WDR33: variants seen among roughly 807,000 people sequenced by gnomAD.
The protein encoded by WDR33 is pre-mRNA 3' end processing protein WDR33.
WDR33 carries 47 observed loss-of-function variants against 164.9 expected under a neutral mutation model. The observed-to-expected ratio is 0.29, with a 90% CI of 0.23 to 0.36. The LOEUF (loss-of-function observed/expected upper bound fraction) is 0.36, where lower values mean the gene tolerates loss of function less well. Ranked by LOEUF, WDR33 falls within the 10% of genes least tolerant of loss-of-function variation. The pLI is 1.00. For missense variants in WDR33, 1,137 were observed against 1,754.1 expected (o/e 0.65, Z 6.28); for synonymous variants, 505 against 589.0 (o/e 0.86, Z 2.06).
At chr2:127,808,948 T>G (rs1232929048) in intron 1 of WDR33, among the ~76,000 whole-genome samples, 1 of 146,304 alleles carries the variant, frequency 6.8e-6, no homozygotes, top group East Asian at 2.0e-4. Flanking sequence ...GAGAATGGCG[T>G]GAACCCGGGA....
chr2:127,711,901 T>C lies in WDR33; in HGVS notation c.3308+1682A>G, dbSNP rs557691181. ...GATTCTCCTGCCTCAGCCTTCCGAG[T>C]AGCTGGGATTACAGGCACGCACCAC... On this transcript the variant is annotated intron_variant, in intron 18 of 21. Coordinates refer to ENST00000322313, the MANE Select transcript of WDR33 (RefSeq NM_018383.5). Among the ~76,000 whole-genome samples the C allele has an allele frequency of 2.7e-5, 4 of 150,554 alleles. No individual in the cohort carries two copies. The East Asian group carries it at 7.9e-4, about 30-fold the overall frequency.
Position 127,735,956 on chromosome 2 carries a change from G to A in WDR33, c.725-9179C>T, listed in dbSNP as rs910955937. The A allele has an allele frequency of 1.0e-6, 1 of 985,404 alleles. No homozygotes were observed. Among genetic ancestry groups the A allele is most frequent in the Non-Finnish European group, 1.2e-6 (1 of 829,936 alleles). The allele number at this position is 985,404 out of a possible 1,614,324, so 61.0% of individuals were successfully genotyped here. On this transcript the variant is annotated intron_variant, in intron 7 of 21. Transcript: ENST00000322313. This position sits in a 1 kb window ranked among gnomAD's most constrained non-coding sequence, Gnocchi z 4.3. ...TAAATGGAAAGTTAATTCTGGAAAGGGGGTATGCCTAGGCAGGGCAGTGTT... is the reference window on the plus strand; with the variant it reads ...TAAATGGAAAGTTAATTCTGGAAAGAGGGTATGCCTAGGCAGGGCAGTGTT...
At position 127,714,261 on chromosome 2, in the gene WDR33, G is replaced by C. The variant is rs1355037701; in HGVS notation, c.2870-240C>G. ...AGGGCAAATTACTCATCTCAAATGA[G>C]ATCAGCAGCATCTGTCCATCTCTTA... On this transcript the variant is annotated intron_variant, in intron 17 of 21. Coordinates refer to ENST00000322313, the MANE Select transcript of WDR33 (RefSeq NM_018383.5). This position sits in a 1 kb window ranked among gnomAD's most constrained non-coding sequence, Gnocchi z 4.3. Among the ~76,000 whole-genome samples, 1 of 152,216 alleles carries C rather than the reference G, an allele frequency of 6.6e-6. No individual in the cohort carries two copies. The highest frequency in any genetic ancestry group is 1.5e-5 in the Non-Finnish European group (1 of 68,044).
At chr2:127,750,097 C>A (rs1168519417) in intron 7 of WDR33, among the ~76,000 whole-genome samples, 7 of 152,250 alleles carry the variant, frequency 4.6e-5, no homozygotes, top group Non-Finnish European at 1.0e-4. Flanking sequence ...AATCTTGGCT[C>A]ACTGCAGCCT....
chr2:127,764,219 C>G lies in WDR33; in HGVS notation c.626+609G>C, dbSNP rs907206861. Reference sequence around the variant, plus strand: ...TATACATTTGCATAAGTGATGTTATCAACAGTGAATCAGAAGAAAAGTCCT... The same window carrying G: ...TATACATTTGCATAAGTGATGTTATGAACAGTGAATCAGAAGAAAAGTCCT... On this transcript the variant is annotated intron_variant, in intron 6 of 21. Coordinates refer to ENST00000322313, the MANE Select transcript of WDR33 (RefSeq NM_018383.5). This position sits in a 1 kb window ranked among gnomAD's most constrained non-coding sequence, Gnocchi z 6.2. 40 of 1,103,742 alleles carry G rather than the reference C, an allele frequency of 3.6e-5. No individual in the cohort carries two copies. Among genetic ancestry groups the G allele is most frequent in the Non-Finnish European group, 4.2e-5 (38 of 906,884 alleles). The allele number at this position is 1,103,742 out of a possible 1,614,324, so 68.4% of individuals were successfully genotyped here. A position where few individuals can be genotyped will look rare whatever the true frequency, so the allele number is the denominator to read the frequency against.
At chr2:127,756,065 G>T (rs1272619202) in intron 7 of WDR33, among the ~76,000 whole-genome samples, 1 of 152,086 alleles carries the variant, frequency 6.6e-6, no homozygotes, top group Non-Finnish European at 1.5e-5. Flanking sequence ...CAGGCACAGT[G>T]GCTCACACCC....
chr2:127,807,871 G>A (rs908832645), intron 1 of WDR33, among the ~76,000 whole-genome samples: 1 of 152,316 alleles, frequency 6.6e-6, no homozygotes, highest in South Asian at 2.1e-4. Context: ...AGGCTGAAGT[G>A]GGAGGATCGC....
In WDR33 at chr2:127,719,769, A is replaced by C. The variant is rs772109528; in HGVS notation, c.2256T>G (p.Pro752=). The C allele has an allele frequency of 1.9e-6, 3 of 1,613,832 alleles. No individual in the cohort carries two copies. The highest frequency in any genetic ancestry group is 3.3e-5 in the Admixed American group (2 of 60,026). ...GPPGPRGMQG[P]PHPHGIQGGP... ...CGCCTTGGATCCCATGAGGATGAGG[A>C]GGCCCTTGCATTCCTCTGGGACCAG... Residue 752 remains proline (P), a synonymous_variant, in exon 16 of 22, where the codon CCT becomes CCG. Transcript: ENST00000322313. The surrounding 1 kb of genome is among the most constrained non-coding windows in gnomAD (Gnocchi z 6.5).
chr2:127,762,970 G>A, intron 7 of WDR33, 92 bp downstream of exon 7: 1 of 1,578,424 alleles, frequency 6.3e-7, no homozygotes, highest in Non-Finnish European at 8.6e-7. Context: ...AAATTGAATG[G>A]AGGTGTAAGC....
At chr2:127,788,484 ACCTC>A (rs1688698154) in intron 1 of WDR33, among the ~76,000 whole-genome samples, 2 of 77,402 alleles carry the variant, frequency 2.6e-5, no homozygotes, top group African/African-American at 5.8e-5. Flanking sequence ...TGACACCCCC[ACCTC>A]CCTCCCGGAC....
intron 7 of WDR33, among the ~76,000 whole-genome samples, chr2:127,744,153 C>T (rs1175664802): frequency 6.6e-6 from 1 of 152,224 alleles, no homozygotes; most frequent in African/African-American, 2.4e-5. Flanking sequence ...CTTTCTTAAA[C>T]TTCATCGTTG....
Position 127,720,748 on chromosome 2 carries a change from C to T in WDR33, c.1672-395G>A, listed in dbSNP as rs13426522. ...CCCAGCTAATTATTATTTGTAGAGACAGGGTCTTGCTATATTGCCCAGGCT... is the reference window on the plus strand; with the variant it reads ...CCCAGCTAATTATTATTTGTAGAGATAGGGTCTTGCTATATTGCCCAGGCT... On this transcript the variant is annotated intron_variant, in intron 15 of 21. Transcript: ENST00000322313. This position sits in a 1 kb window ranked among gnomAD's most constrained non-coding sequence, Gnocchi z 5.9. 0.022 allele frequency among the ~76,000 whole-genome samples: 3,279 copies of T among 152,214 alleles called. 129 individuals carry two copies. The highest frequency in any genetic ancestry group is 0.076 in the African/African-American group (3,151 of 41,528).
rs1198894850 is a variant in WDR33, at chr2:127,701,797, G to C, written c.*4526C>G. On this transcript the variant is annotated 3_prime_UTR_variant, in exon 22 of 22. Coordinates refer to ENST00000322313, the MANE Select transcript of WDR33 (RefSeq NM_018383.5). The stretch of plus-strand genomic sequence containing the variant: ...GGGTGCCTGCTGCTGGCTGCACTGT[G>C]TTTCGGCCTAGCCGCGCTCTACGCA... 2.1e-6 allele frequency: 3 copies of C among 1,454,434 alleles called. No individual in the cohort carries two copies. In the Admixed American group the frequency reaches 7.4e-5, roughly 36 times the overall value. 90.1% of individuals were successfully genotyped at this position (1,454,434 alleles called of 1,614,324 possible). A position where few individuals can be genotyped will look rare whatever the true frequency, so the allele number is the denominator to read the frequency against.
intron 7 of WDR33, among the ~76,000 whole-genome samples, chr2:127,748,921 T>C (rs1195711866): frequency 6.7e-6 from 1 of 149,766 alleles, no homozygotes; most frequent in Non-Finnish European, 1.5e-5. Context: ...TCACCTTAAC[T>C]ACTGGAATTA....
At position 127,708,082 on chromosome 2, in the gene WDR33, T is replaced by A. The variant is rs6744355; in HGVS notation, c.3781+595A>T. Among the ~76,000 whole-genome samples, 2 of 152,270 alleles carry A rather than the reference T, an allele frequency of 1.3e-5. No homozygotes were observed. Among genetic ancestry groups the A allele is most frequent in the Admixed American group, 1.3e-4 (2 of 15,294 alleles). On this transcript the variant is annotated intron_variant, in intron 21 of 21. Coordinates refer to ENST00000322313, the MANE Select transcript of WDR33 (RefSeq NM_018383.5). This position sits in a 1 kb window ranked among gnomAD's most constrained non-coding sequence, Gnocchi z 6.7. ...AGAAGCTTCCGAGCCACACCACCTATGCACCTCCCCCGCTGCCTTGCAACC... is the reference window on the plus strand; with the variant it reads ...AGAAGCTTCCGAGCCACACCACCTAAGCACCTCCCCCGCTGCCTTGCAACC...
At chr2:127,809,907 T>C (rs149506349) in intron 1 of WDR33, among the ~76,000 whole-genome samples, 215 of 152,210 alleles carry the variant, frequency 1.4e-3, no homozygotes, top group African/African-American at 4.8e-3. Flanking sequence ...AAAGCAAAAG[T>C]ATCTTACAGT....
At chr2:127,736,570 T>A in intron 7 of WDR33, 1 of 985,420 alleles carries the variant, frequency 1.0e-6, no homozygotes, top group Non-Finnish European at 1.2e-6. Flanking sequence ...CCTATGTAGG[T>A]AAAATGGTTT....
chr2:127,755,753 T>C (rs1182726899), intron 7 of WDR33, among the ~76,000 whole-genome samples: 1 of 152,228 alleles, frequency 6.6e-6, no homozygotes, highest in Non-Finnish European at 1.5e-5. Context: ...ATCTAATCTT[T>C]GATGACTCAT....
At chr2:127,778,352 G>A (rs1573446580) in intron 1 of WDR33, among the ~76,000 whole-genome samples, 2 of 151,160 alleles carry the variant, frequency 1.3e-5, no homozygotes, top group Non-Finnish European at 2.9e-5. Flanking sequence ...CAGGAGAATC[G>A]CTTGACCCCA....
Sources: allele counts gnomAD v4.1 joint callset (sites outside exome capture counted in the v4.1 genomes callset), GRCh38; gene constraint gnomAD v4.1.1; non-coding constraint Gnocchi (gnomAD v3.1); transcripts MANE v1.5; gene names NCBI Gene and HGNC (gene_info 2026-07-23, HGNC 2026-07-21).